Variants in MCCC1 observed in about 807,000 individuals in gnomAD.
The protein encoded by MCCC1 is methylcrotonoyl-CoA carboxylase subunit alpha, mitochondrial.
MCCC1 carries 64 observed loss-of-function variants against 83.8 expected under a neutral mutation model. The observed-to-expected ratio is 0.76, with a 90% CI of 0.62 to 0.94. MCCC1 has a LOEUF of 0.94. MCCC1 is among the 40% of genes least tolerant of loss of function. MCCC1 has a pLI of 0.00. For missense variants in MCCC1, 807 were observed against 904.7 expected (o/e 0.89, Z 1.39); for synonymous variants, 322 against 315.4 (o/e 1.02, Z -0.22).
intron 1 of MCCC1, among the ~76,000 whole-genome samples, chr3:183,107,512 A>T (rs1014141521): frequency 2.8e-4 from 42 of 148,604 alleles, no homozygotes; most frequent in Admixed American, 4.7e-4. Flanking sequence ...TTTTGTTTTT[A>T]TTATTATTAT....
At chr3:183,047,849 A>G (rs1295187984) in intron 9 of MCCC1, among the ~76,000 whole-genome samples, 1 of 152,230 alleles carries the variant, frequency 6.6e-6, no homozygotes, top group Non-Finnish European at 1.5e-5. Flanking sequence ...ACAACTACAA[A>G]AGGTATTAAC....
chr3:183,101,311 G>A (rs1719277027), upstream of MCCC1, among the ~76,000 whole-genome samples: 3 of 152,384 alleles, frequency 2.0e-5, no homozygotes, highest in East Asian at 5.8e-4. Context: ...CTGGCAGGCA[G>A]CTCCACCTGC....
Position 183,072,380 on chromosome 3 carries a change from G to A in MCCC1, c.477C>T (p.Asp159=), listed in dbSNP as rs1716762318. 3 of 1,613,566 alleles carry A rather than the reference G, an allele frequency of 1.9e-6. No individual in the cohort carries two copies. In the African/African-American group the frequency reaches 4.0e-5, roughly 22 times the overall value. The change falls in exon 5 of 19, where the codon GAC becomes GAT. Residue 159 remains aspartate, a synonymous_variant. Coordinates refer to ENST00000265594, the MANE Select transcript of MCCC1 (RefSeq NM_020166.5). ...TAAACTCATACCTCTTTATACCCAT[G>A]TCTCTAATTGCAGATGGAGGAGGGC... ...FIGPPPSAIR[D]MGIKSTSKSI...
chr3:183,016,767 T>C (rs1424941435), intron 18 of MCCC1, among the ~76,000 whole-genome samples: 1 of 152,222 alleles, frequency 6.6e-6, no homozygotes, highest in Non-Finnish European at 1.5e-5. Context: ...CTGTCTGCAA[T>C]ATTCAGCCAG....
rs890632698 is a variant in MCCC1 at position 183,064,267 on chromosome 3, G to T, written c.761+6732C>A. On this transcript the variant is annotated intron_variant, in intron 7 of 18. Transcript: ENST00000265594. The surrounding 1 kb of genome is among the most constrained non-coding windows in gnomAD (Gnocchi z 4.5). The stretch of plus-strand genomic sequence containing the variant: ...GAGAGCTGATGGGACTGCTAGAAAA[G>T]ATCCCCCTTTTTTTTTTAATTCCAA... Among the ~76,000 whole-genome samples the T allele has an allele frequency of 1.1e-4, 5 of 43,688 alleles. No individual in the cohort carries two copies. Among genetic ancestry groups the T allele is most frequent in the Non-Finnish European group, 2.9e-4 (5 of 17,024 alleles). 28.7% of individuals were successfully genotyped at this position (43,688 alleles called of 152,430 possible).
At chr3:183,043,537 C>T (rs1714290685) in intron 10 of MCCC1, among the ~76,000 whole-genome samples, 1 of 152,212 alleles carries the variant, frequency 6.6e-6, no homozygotes, top group Non-Finnish European at 1.5e-5. Flanking sequence ...ATCATTCAAC[C>T]CTTGTTCTAG....
At chr3:183,034,473 A>C (rs1004676512) in intron 13 of MCCC1, among the ~76,000 whole-genome samples, 2 of 151,308 alleles carry the variant, frequency 1.3e-5, no homozygotes, top group African/African-American at 2.4e-5. Context: ...AAAAAAACAA[A>C]AAAACACACG....
chr3:183,064,121 C>G lies in MCCC1; in HGVS notation c.762-6699G>C, dbSNP rs1294957865. On this transcript the variant is annotated intron_variant, in intron 7 of 18. Transcript: ENST00000265594. This position sits in a 1 kb window ranked among gnomAD's most constrained non-coding sequence, Gnocchi z 4.5. ...ATGGGTTTGGCACTATGGATGTTAA[C>G]TGCTATTCTGTTTGAATTAATCTGC... Among the ~76,000 whole-genome samples the G allele has an allele frequency of 1.3e-5, 2 of 152,098 alleles. No homozygotes were observed. The highest frequency in any genetic ancestry group is 2.4e-5 in the African/African-American group (1 of 41,412).
chr3:183,030,223 G>A (rs759547058), intron 14 of MCCC1, among the ~76,000 whole-genome samples: 9 of 152,104 alleles, frequency 5.9e-5, no homozygotes, highest in Non-Finnish European at 8.8e-5. Flanking sequence ...CAGGAGAATC[G>A]CTTGAACCCG....
intron 15 of MCCC1, among the ~76,000 whole-genome samples, chr3:183,023,538 C>T (rs1467852044): frequency 2.6e-5 from 4 of 152,128 alleles, no homozygotes; most frequent in Admixed American, 1.3e-4. Flanking sequence ...ATCTACTTTA[C>T]CAGCTAACAG....
At chr3:183,099,233 G>T (rs1372525358) in intron 1 of MCCC1, 119 bp downstream of exon 1, 1 of 1,221,560 alleles carries the variant, frequency 8.2e-7, no homozygotes, top group Non-Finnish European at 1.2e-6. Context: ...AGTGCCTGGG[G>T]TTTTCCTACC....
chr3:183,099,940 T>C (rs545663256), upstream of MCCC1, among the ~76,000 whole-genome samples: 1 of 152,296 alleles, frequency 6.6e-6, no homozygotes, highest in Admixed American at 6.5e-5. Flanking sequence ...AAACAGGTAT[T>C]CTAACTGACT....
At position 183,037,306 on chromosome 3, in the gene MCCC1, A is replaced by G; in HGVS notation, c.1506T>C (p.Ala502=). ...HHKQLLLSRK[A]AAKESLCQAA... ...CCTGGCATAAAGACTCTTTGGCTGC[A>G]GCCTTCCGACTGAGCAACAACTGTT... Residue 502 remains alanine, a synonymous_variant, in exon 13 of 19, where the codon GCT becomes GCC. Transcript: ENST00000265594. The G allele has an allele frequency of 6.2e-7, 1 of 1,614,134 alleles. No individual in the cohort carries two copies.
intron 3 of MCCC1, among the ~76,000 whole-genome samples, chr3:183,087,540 C>G (rs577366004): frequency 1.3e-5 from 2 of 152,200 alleles, no homozygotes; most frequent in African/African-American, 4.8e-5. Flanking sequence ...TGAAGGTGAT[C>G]AGGAAATGCC....
intron 1 of MCCC1, 83 bp from the exon 2 acceptor site, chr3:183,094,688 A>T: frequency 7.1e-7 from 1 of 1,415,010 alleles, no homozygotes; most frequent in East Asian, 2.3e-5. Context: ...AGTTTCTTAA[A>T]ACATGAAACC....
chr3:183,101,050 T>C (rs1049163088), upstream of MCCC1, among the ~76,000 whole-genome samples: 2 of 152,238 alleles, frequency 1.3e-5, no homozygotes, highest in African/African-American at 4.8e-5. Flanking sequence ...GGCCAGTGGC[T>C]GCGGAGGGTG....
upstream of MCCC1, among the ~76,000 whole-genome samples, chr3:183,104,272 C>T (rs1009169905): frequency 6.6e-6 from 1 of 152,154 alleles, no homozygotes; most frequent in African/African-American, 2.4e-5. Context: ...CGAGAGCGAG[C>T]GAGGGCTGTG....
At chr3:183,099,895 A>T (rs1719048572), upstream of MCCC1, among the ~76,000 whole-genome samples, 1 of 152,192 alleles carries the variant, frequency 6.6e-6, no homozygotes, top group Non-Finnish European at 1.5e-5. Flanking sequence ...AAAATAAATA[A>T]GCTAAAGTGA....
At chr3:183,030,873 C>T (rs565934147) in intron 14 of MCCC1, among the ~76,000 whole-genome samples, 1 of 152,320 alleles carries the variant, frequency 6.6e-6, no homozygotes, top group African/African-American at 2.4e-5. Flanking sequence ...CAGGCTTTTA[C>T]TCTTCTTATC....
Sources: allele counts gnomAD v4.1 joint callset (sites outside exome capture counted in the v4.1 genomes callset), GRCh38; gene constraint gnomAD v4.1.1; non-coding constraint Gnocchi (gnomAD v3.1); transcripts MANE v1.5; gene names NCBI Gene and HGNC (gene_info 2026-07-23, HGNC 2026-07-21).